The following PARN variants were observed in gnomAD, a reference collection of about 807,000 sequenced individuals.
The protein encoded by PARN is poly(A)-specific ribonuclease PARN.
Under a neutral mutation model 102.8 loss-of-function variants are expected in PARN, and 71 were observed. That is an observed-to-expected ratio of 0.69 (90% CI 0.57 to 0.84). The LOEUF (loss-of-function observed/expected upper bound fraction) is 0.84, where lower values mean the gene tolerates loss of function less well. PARN is among the 40% of genes least tolerant of loss of function. The probability of loss-of-function intolerance (pLI) is 0.00; values close to 1 mark genes in which losing one functional copy is unlikely to be tolerated. For missense variants in PARN, 782 were observed against 760.9 expected, an observed-to-expected ratio of 1.03 and a Z score of -0.33; for synonymous variants, 261 against 252.9, an observed-to-expected ratio of 1.03 and a Z score of -0.30.
chr16:14,460,189 C>T (rs1459388523), intron 22 of PARN, among the ~76,000 whole-genome samples: 1 of 152,090 alleles, frequency 6.6e-6, no homozygotes, highest in Non-Finnish European at 1.5e-5. Context: ...CACAGAAAGA[C>T]CATCAATAAG....
Position 14,451,678 on chromosome 16 carries a change from A to C in PARN, c.1671-4597T>G, listed in dbSNP as rs998218327. Among the ~76,000 whole-genome samples, 3 of 151,778 alleles carry C rather than the reference A, an allele frequency of 2.0e-5. No homozygotes were observed. The South Asian group carries it at 6.3e-4, about 32-fold the overall frequency. On this transcript the variant is annotated intron_variant, in intron 22 of 23. Transcript: ENST00000437198. ...TGAGGGAATTTTCTGGGGTAACGTTAATTCCCTGTGTCTTTATAGGAGTAT... is the reference window on the plus strand; with the variant it reads ...TGAGGGAATTTTCTGGGGTAACGTTCATTCCCTGTGTCTTTATAGGAGTAT...
At chr16:14,526,019 T>C (rs1016952527) in intron 21 of PARN, among the ~76,000 whole-genome samples, 9 of 151,990 alleles carry the variant, frequency 5.9e-5, no homozygotes, top group Admixed American at 2.0e-4. Flanking sequence ...GGTTTCACCA[T>C]GTTGGCCAGG....
At chr16:14,537,944 G>C (rs1323996433) in intron 21 of PARN, among the ~76,000 whole-genome samples, 1 of 152,054 alleles carries the variant, frequency 6.6e-6, no homozygotes, top group Admixed American at 6.6e-5. Context: ...AGAGAAGTTT[G>C]AATGTTCACA....
At chr16:14,594,149 A>AC (rs558826128) in intron 12 of PARN, among the ~76,000 whole-genome samples, 407 of 152,334 alleles carry the variant, frequency 2.7e-3, no homozygotes, top group Non-Finnish European at 4.1e-3. Context: ...GGTAAAAATA[A>AC]CTAATTTCTA....
intron 19 of PARN, 135 bp from the exon 20 acceptor site, chr16:14,554,286 A>G: frequency 3.2e-6 from 2 of 620,602 alleles, no homozygotes; most frequent in South Asian, 2.1e-5. Flanking sequence ...ACAACTCCTA[A>G]AAGTATGCCT....
chr16:14,572,236 C>T (rs969113503), intron 18 of PARN, among the ~76,000 whole-genome samples: 2 of 152,132 alleles, frequency 1.3e-5, no homozygotes, highest in East Asian at 1.9e-4. Context: ...CAACCCACTG[C>T]GACCCTGCAC....
At chr16:14,549,355 A>G (rs1967153536) in intron 21 of PARN, among the ~76,000 whole-genome samples, 1 of 152,166 alleles carries the variant, frequency 6.6e-6, no homozygotes, top group Non-Finnish European at 1.5e-5. Flanking sequence ...TTATTTCCTC[A>G]TGCTGCAGTG....
chr16:14,595,750 C>T (rs1970467731), intron 12 of PARN, among the ~76,000 whole-genome samples: 1 of 152,124 alleles, frequency 6.6e-6, no homozygotes, highest in African/African-American at 2.4e-5. Flanking sequence ...AGGCTGGTCT[C>T]AAACTCCTGA....
At chr16:14,577,526 GT>G (rs1401784758) in intron 18 of PARN, among the ~76,000 whole-genome samples, 2 of 151,824 alleles carry the variant, frequency 1.3e-5, no homozygotes, top group Non-Finnish European at 1.5e-5. Flanking sequence ...TATAGACTGG[GT>G]TTTGCCACAT....
chr16:14,523,224 TACAC>T (rs35250440), intron 21 of PARN, among the ~76,000 whole-genome samples: 2,112 of 144,200 alleles, frequency 0.015, 31 homozygotes, highest in East Asian at 0.049. Flanking sequence ...AACTAACAAG[TACAC>T]ACACACACAC....
intron 21 of PARN, among the ~76,000 whole-genome samples, chr16:14,530,033 C>G (rs1966236440): frequency 6.6e-6 from 1 of 152,216 alleles, no homozygotes; most frequent in Non-Finnish European, 1.5e-5. Flanking sequence ...AATGCAGTGG[C>G]CCCATCCACT....
chr16:14,548,596 T>C (rs1467529620), intron 21 of PARN, among the ~76,000 whole-genome samples: 1 of 152,064 alleles, frequency 6.6e-6, no homozygotes, highest in African/African-American at 2.4e-5. Flanking sequence ...AACAATATAA[T>C]AAGGTATACA....
At chr16:14,454,229 C>T (rs1472792416) in intron 22 of PARN, among the ~76,000 whole-genome samples, 1 of 152,116 alleles carries the variant, frequency 6.6e-6, no homozygotes, top group Non-Finnish European at 1.5e-5. Flanking sequence ...GCCTGTAATC[C>T]TAGCACTTTG....
chr16:14,502,208 A>G (rs67849414), intron 21 of PARN, among the ~76,000 whole-genome samples: 37,888 of 152,088 alleles, frequency 0.25, 4,932 homozygotes, highest in Middle Eastern at 0.31. Flanking sequence ...GTATTCACGC[A>G]TGGGGCAAGG....
chr16:14,440,809 G>A (rs1296466883), intron 23 of PARN, among the ~76,000 whole-genome samples: 4 of 152,138 alleles, frequency 2.6e-5, no homozygotes, highest in East Asian at 1.9e-4. Context: ...AGACAAAATC[G>A]CAGGGACAGA....
chr16:14,589,699 C>G (rs1400442516), intron 13 of PARN, among the ~76,000 whole-genome samples: 1 of 151,824 alleles, frequency 6.6e-6, no homozygotes, highest in African/African-American at 2.4e-5. Context: ...AATCCCGTCT[C>G]TACTAAAAAT....
rs117077048 is a variant in PARN, at chr16:14,507,549, C to T, written c.1481-24722G>A. 3.5e-3 allele frequency among the ~76,000 whole-genome samples: 527 copies of T among 151,540 alleles called. 2 individuals are homozygous for T. The highest frequency in any genetic ancestry group is 6.8e-3 in the Middle Eastern group (2 of 292). ...GTCTCTATTAAAAATACAAAAAAGG[C>T]ATGGTGGTGTGTGTCTGTAGTCCCA... On this transcript the variant is annotated intron_variant, in intron 21 of 23. Transcript: ENST00000437198.
intron 22 of PARN, among the ~76,000 whole-genome samples, chr16:14,456,439 G>A (rs1286681898): frequency 1.3e-5 from 2 of 152,080 alleles, no homozygotes; most frequent in Non-Finnish European, 2.9e-5. Context: ...CCCCCAAAGT[G>A]CCGGTATTAT....
chr16:14,552,773 AC>A (rs1291232879), intron 20 of PARN, among the ~76,000 whole-genome samples: 1 of 151,972 alleles, frequency 6.6e-6, no homozygotes, highest in East Asian at 1.9e-4. Flanking sequence ...ACATGGAGAA[AC>A]CCCAACTCTG....
Sources: allele counts gnomAD v4.1 joint callset (sites outside exome capture counted in the v4.1 genomes callset), GRCh38; gene constraint gnomAD v4.1.1; transcripts MANE v1.5; gene names NCBI Gene and HGNC (gene_info 2026-07-23, HGNC 2026-07-21).